The following ADARB2 variants were observed in gnomAD, a reference collection of about 807,000 sequenced individuals.
ADARB2 encodes the protein inactive double-stranded RNA-specific editase B2.
In ADARB2, 25 loss-of-function variants were observed where a neutral mutation model predicts 62.2. That is an observed-to-expected ratio of 0.40 (90% CI 0.29 to 0.56). The LOEUF is 0.56. Among genes scored for constraint, ADARB2 ranks in the 20% least tolerant of loss-of-function variants. The pLI, the probability that ADARB2 is intolerant of heterozygous loss-of-function variation, is 0.43. For missense variants in ADARB2, 1,071 were observed against 1,077.4 expected, an observed-to-expected ratio of 0.99 and a Z score of 0.08; for synonymous variants, 572 against 500.8, an observed-to-expected ratio of 1.14 and a Z score of -1.90.
intron 1 of ADARB2, among the ~76,000 whole-genome samples, chr10:1,648,006 G>A (rs1395233391): frequency 1.3e-5 from 2 of 152,156 alleles, no homozygotes; most frequent in Non-Finnish European, 2.9e-5. Flanking sequence ...TAATTGAGTG[G>A]ATACATGTCT....
At chr10:1,458,871 A>AG (rs140604157) in intron 1 of ADARB2, among the ~76,000 whole-genome samples, 40,332 of 152,202 alleles carry the variant, frequency 0.26, 5,616 homozygotes, top group East Asian at 0.49. Flanking sequence ...AAACACTCAA[A>AG]GAACAAACAT....
intron 1 of ADARB2, among the ~76,000 whole-genome samples, chr10:1,486,100 T>C (rs1012447730): frequency 3.3e-5 from 5 of 152,150 alleles, no homozygotes; most frequent in Non-Finnish European, 7.4e-5. Context: ...CGGCTACTCA[T>C]TCATCTTTGA....
chr10:1,505,016 AAC>A (rs1038406493), intron 1 of ADARB2, among the ~76,000 whole-genome samples: 5 of 150,086 alleles, frequency 3.3e-5, no homozygotes, highest in Admixed American at 6.6e-5. Context: ...ATGATGCACA[AAC>A]ACACAGACAC....
chr10:1,546,831 G>A (rs988470333), intron 1 of ADARB2, among the ~76,000 whole-genome samples: 5 of 152,242 alleles, frequency 3.3e-5, no homozygotes, highest in South Asian at 2.1e-4. Context: ...CTGCAAAGCC[G>A]GATAAGCCCT....
rs373421095 is a variant in ADARB2, at chr10:1,651,795, C to T, written c.100+85256G>A. On this transcript the variant is annotated intron_variant, in intron 1 of 9. Transcript: ENST00000381312. Reference sequence around the variant, plus strand: ...TTATGGGTGCTGCTTTCTCTCTGCCCGTGAAGGTGACCATCACACAGGCCC... The same window carrying T: ...TTATGGGTGCTGCTTTCTCTCTGCCTGTGAAGGTGACCATCACACAGGCCC... Among the ~76,000 whole-genome samples, 13 of 151,910 alleles carry T rather than the reference C, an allele frequency of 8.6e-5. No homozygotes were observed. The East Asian group carries it at 9.7e-4, about 11-fold the overall frequency.
intron 7 of ADARB2, among the ~76,000 whole-genome samples, chr10:1,215,318 C>T (rs781363139): frequency 6.0e-4 from 92 of 152,330 alleles, no homozygotes; most frequent in Admixed American, 1.4e-3. Context: ...GAGGATTTTA[C>T]GGGGGCTGGC....
intron 3 of ADARB2, among the ~76,000 whole-genome samples, chr10:1,281,324 A>G (rs1831369709): frequency 6.6e-6 from 1 of 152,198 alleles, no homozygotes; most frequent in African/African-American, 2.4e-5. Flanking sequence ...TCTGCTGGCC[A>G]GTAGAAAACA....
At chr10:1,222,852 T>C (rs1184521578) in intron 6 of ADARB2, among the ~76,000 whole-genome samples, 3 of 151,108 alleles carry the variant, frequency 2.0e-5, no homozygotes, top group Admixed American at 6.6e-5. Flanking sequence ...GGTAGCATGA[T>C]GCCTCCAGCT....
intron 3 of ADARB2, among the ~76,000 whole-genome samples, chr10:1,308,102 A>C (rs1485690838): frequency 6.6e-6 from 1 of 151,872 alleles, no homozygotes; most frequent in African/African-American, 2.4e-5. Context: ...ATTAAAAAAA[A>C]AAAGTATCTC....
At chr10:1,585,550 G>A (rs765858779) in intron 1 of ADARB2, among the ~76,000 whole-genome samples, 1 of 152,164 alleles carries the variant, frequency 6.6e-6, no homozygotes, top group Non-Finnish European at 1.5e-5. Context: ...GAGTCACTGA[G>A]CCAGACCAAG....
At position 1,362,998 on chromosome 10, in the gene ADARB2, C is replaced by T. The variant is rs762913317; in HGVS notation, c.1077+30G>A. The T allele has an allele frequency of 1.1e-5, 14 of 1,301,888 alleles. No individual in the cohort carries two copies. The East Asian group carries it at 3.3e-4, about 31-fold the overall frequency. The allele number at this position is 1,301,888 out of a possible 1,614,324, so 80.6% of individuals were successfully genotyped here. ...TCTCCCCCGCGCCCCCAGCGCCGCC[C>T]GTTCCCCCTGCACCCGCCGCGCCCC... On this transcript the variant is annotated intron_variant, in intron 3 of 9. Transcript: ENST00000381312.
intron 1 of ADARB2, among the ~76,000 whole-genome samples, chr10:1,545,339 ATAGT>A (rs1372782413): frequency 6.6e-6 from 1 of 152,250 alleles, no homozygotes; most frequent in Non-Finnish European, 1.5e-5. Context: ...ATGTTTAAAG[ATAGT>A]TCAAAATAAT....
chr10:1,566,306 C>T (rs1564332609), intron 1 of ADARB2, among the ~76,000 whole-genome samples: 1 of 152,198 alleles, frequency 6.6e-6, no homozygotes, highest in Non-Finnish European at 1.5e-5. Context: ...GCCCACTTAA[C>T]AGCATCCTGG....
At chr10:1,677,948 C>T (rs1834487884) in intron 1 of ADARB2, among the ~76,000 whole-genome samples, 1 of 152,206 alleles carries the variant, frequency 6.6e-6, no homozygotes. Context: ...TGTCTTTTCA[C>T]AGATAGCAGA....
Position 1,294,711 on chromosome 10 carries a change from G to A in ADARB2, c.1078-23642C>T, listed in dbSNP as rs11250387. 3.7e-3 allele frequency among the ~76,000 whole-genome samples: 565 copies of A among 152,216 alleles called. 3 individuals are homozygous for A. The highest frequency in any genetic ancestry group is 0.013 in the African/African-American group (524 of 41,516). The stretch of plus-strand genomic sequence containing the variant: ...CTTTGCTGAGCTCATTATTACACCT[G>A]TGATGGAATTCCAGTCAAGCCATCT... On this transcript the variant is annotated intron_variant, in intron 3 of 9. Transcript: ENST00000381312.
At chr10:1,376,005 T>C (rs1204559507) in intron 2 of ADARB2, among the ~76,000 whole-genome samples, 3 of 146,998 alleles carry the variant, frequency 2.0e-5, no homozygotes, top group Non-Finnish European at 4.5e-5. Context: ...ACATGACACA[T>C]ATACACGTGA....
intron 3 of ADARB2, among the ~76,000 whole-genome samples, chr10:1,358,339 C>T (rs1020256244): frequency 2.6e-5 from 4 of 152,174 alleles, no homozygotes. Flanking sequence ...TGCCCTCAGC[C>T]CTTGAGGATT....
At chr10:1,281,170 G>A (rs1341889419) in intron 3 of ADARB2, among the ~76,000 whole-genome samples, 1 of 152,208 alleles carries the variant, frequency 6.6e-6, no homozygotes, top group African/African-American at 2.4e-5. Context: ...GATCCATGAT[G>A]AGTTGGTCTA....
chr10:1,546,391 G>A (rs1177060066), intron 1 of ADARB2, among the ~76,000 whole-genome samples: 2 of 152,164 alleles, frequency 1.3e-5, no homozygotes, highest in Admixed American at 6.5e-5. Context: ...AGGCTCTCCC[G>A]TGCTTCCGTT....
Sources: gnomAD v4.1 joint callset for allele counts (sites outside exome capture counted in the v4.1 genomes callset) on GRCh38, gnomAD v4.1.1 for gene constraint, MANE v1.5 for transcripts, NCBI Gene and HGNC (gene_info 2026-07-23, HGNC 2026-07-21) for gene names.